Variants in KDM3B observed in about 807,000 individuals in gnomAD.
The protein encoded by KDM3B is lysine demethylase 3B, also known as lysine-specific demethylase 3B.
In KDM3B, 10 loss-of-function variants were observed where a neutral mutation model predicts 170.0. The ratio of observed to expected loss-of-function variants is 0.06; its 90% CI spans 0.04 to 0.10. The LOEUF is 0.10. Among genes scored for constraint, KDM3B ranks in the 10% least tolerant of loss-of-function variants. The probability of loss-of-function intolerance (pLI) is 1.00; values close to 1 mark genes in which losing one functional copy is unlikely to be tolerated. For synonymous variants in KDM3B, 831 were observed against 834.8 expected, an observed-to-expected ratio of 1.00 and a Z score of 0.08; for missense variants, 1,394 against 2,195.2, an observed-to-expected ratio of 0.64 and a Z score of 7.29.
Position 138,393,254 on chromosome 5 carries a change from A to C in KDM3B, c.2713A>C (p.Ile905Leu), listed in dbSNP as rs764337136. 1 of 1,614,236 alleles carries C rather than the reference A, an allele frequency of 6.2e-7. No individual in the cohort carries two copies. The highest frequency in any genetic ancestry group is 8.5e-7 in the Non-Finnish European group (1 of 1,180,042). The change falls in exon 9 of 24, where the codon ATC (isoleucine) becomes CTC (leucine). Residue 905 changes from isoleucine (I) to leucine (L), a missense_variant. Ile to Leu is a conservative substitution (Grantham distance 5). This residue lies in a region of KDM3B where 76 missense variants were observed against 190.2 expected (regional missense o/e 0.40). Coordinates refer to ENST00000314358, the MANE Select transcript of KDM3B (RefSeq NM_016604.4). ...GEPFLQDGSC[I>L]NVAPHLHKCR... ...GCCCTTCCTGCAGGATGGGTCATGC[A>C]TCAATGTGGCACCTCATCTGCACAA...
At chr5:138,423,981 A>G in intron 15 of KDM3B, 94 bp from the exon 16 acceptor site, 1 of 1,291,810 alleles carries the variant, frequency 7.7e-7, no homozygotes, top group East Asian at 2.3e-5. Flanking sequence ...CAGACAGGTC[A>G]GAACTCCTTG....
chr5:138,364,699 A>T (rs1761703800), intron 1 of KDM3B, among the ~76,000 whole-genome samples: 1 of 152,180 alleles, frequency 6.6e-6, no homozygotes, highest in Non-Finnish European at 1.5e-5. Flanking sequence ...ATTTCATATA[A>T]TCCTAAGGCA....
intron 11 of KDM3B, among the ~76,000 whole-genome samples, chr5:138,410,891 G>A (rs1336312703): frequency 6.6e-6 from 1 of 152,184 alleles, no homozygotes; most frequent in African/African-American, 2.4e-5. Flanking sequence ...ATTTTCTACT[G>A]CTATCTAGAA....
intron 11 of KDM3B, among the ~76,000 whole-genome samples, chr5:138,411,490 G>A (rs1009387036): frequency 2.0e-5 from 3 of 151,830 alleles, no homozygotes; most frequent in South Asian, 2.1e-4. Flanking sequence ...TTGCCTCGGC[G>A]CCTGGGTGGC....
intron 12 of KDM3B, 140 bp downstream of exon 12, chr5:138,415,379 A>G: frequency 1.9e-6 from 1 of 531,018 alleles, no homozygotes; most frequent in South Asian, 3.0e-5. Context: ...TTGGATCTTT[A>G]TTATTATTAT....
At position 138,380,398 on chromosome 5, in the gene KDM3B, T is replaced by C. The variant is rs930761762; in HGVS notation, c.705+690T>C. On this transcript the variant is annotated intron_variant, in intron 5 of 23. Transcript: ENST00000314358. ...TATAATTATATAAGTCACACTTTAG[T>C]AACAAATAAGATCATATAGTACATA... is the stretch of plus-strand genomic sequence containing the variant. 2.7e-5 allele frequency among the ~76,000 whole-genome samples: 4 copies of C among 150,120 alleles called. No homozygotes were observed. In the East Asian group the frequency reaches 7.7e-4, roughly 29 times the overall value.
Position 138,425,413 on chromosome 5 carries a change from A to T in KDM3B, c.4242A>T (p.Pro1414=). Residue 1414 remains proline (P), a splice_region_variant and synonymous_variant, in exon 17 of 24, where the codon CCA becomes CCT. Transcript: ENST00000314358. ...TTGGGATATTTTTGTTTCCACAGCCAGTGCTGGTTTCGGGGGTACATAAAA... is the reference window on the plus strand; with the variant it reads ...TTGGGATATTTTTGTTTCCACAGCCTGTGCTGGTTTCGGGGGTACATAAAA... ...IFRECWKQGQ[P]VLVSGVHKKL... is the part of the protein sequence containing the mutation. The T allele has an allele frequency of 6.2e-7, 1 of 1,613,002 alleles. No individual in the cohort carries two copies. Among genetic ancestry groups the T allele is most frequent in the South Asian group, 1.1e-5 (1 of 91,024 alleles).
intron 11 of KDM3B, among the ~76,000 whole-genome samples, chr5:138,412,336 CAAA>C (rs1194832246): frequency 7.2e-6 from 1 of 139,512 alleles, no homozygotes; most frequent in African/African-American, 2.6e-5. Flanking sequence ...ACCCCGTCTC[CAAA>C]AAAAAAAGAC....
chr5:138,358,235 G>A lies in KDM3B; in HGVS notation c.192+5248G>A, dbSNP rs377675840. On this transcript the variant is annotated intron_variant, in intron 1 of 23. Coordinates refer to ENST00000314358, the MANE Select transcript of KDM3B (RefSeq NM_016604.4). ...TGACCTTAGGTGATCTGCCTGCCTC[G>A]GCCTTCCAAGTGCTGGGATTACAGG... 2.6e-5 allele frequency among the ~76,000 whole-genome samples: 4 copies of A among 151,734 alleles called. No individual in the cohort carries two copies. The East Asian group carries it at 5.8e-4, about 22-fold the overall frequency.
intron 1 of KDM3B, among the ~76,000 whole-genome samples, chr5:138,359,164 A>AT (rs1444360679): frequency 6.6e-6 from 1 of 150,704 alleles, no homozygotes; most frequent in African/African-American, 2.4e-5. Flanking sequence ...TGGTGTATTT[A>AT]TTTATTTTTT....
At chr5:138,434,283 C>CT (rs1313379687) in intron 23 of KDM3B, among the ~76,000 whole-genome samples, 2 of 151,972 alleles carry the variant, frequency 1.3e-5, no homozygotes, top group African/African-American at 4.8e-5. Context: ...GGCGCGGTGG[C>CT]TCACGCCTGT....
chr5:138,385,961 G>C (rs1440745754), intron 6 of KDM3B, 61 bp from the exon 7 acceptor site: 1 of 1,530,506 alleles, frequency 6.5e-7, no homozygotes, highest in East Asian at 2.3e-5. Flanking sequence ...AAGAGCTAAT[G>C]GTGTGTGGTA....
intron 20 of KDM3B, among the ~76,000 whole-genome samples, chr5:138,429,313 AAG>A (rs1763474702): frequency 1.3e-5 from 2 of 152,058 alleles, no homozygotes; most frequent in African/African-American, 4.8e-5. Flanking sequence ...CAGCCTCTCA[AAG>A]TGCTGGGATT....
intron 7 of KDM3B, among the ~76,000 whole-genome samples, chr5:138,389,006 A>G (rs1762354987): frequency 6.6e-6 from 1 of 152,244 alleles, no homozygotes; most frequent in African/African-American, 2.4e-5. Context: ...ATTATTTTTC[A>G]TTCATGTGTG....
At chr5:138,417,292 T>C (rs780742609) in intron 12 of KDM3B, among the ~76,000 whole-genome samples, 191 bp from the exon 13 acceptor site, 3 of 152,194 alleles carry the variant, frequency 2.0e-5, no homozygotes, top group East Asian at 1.9e-4. Flanking sequence ...TTTACCAGCT[T>C]TATGTACTTG....
intron 22 of KDM3B, among the ~76,000 whole-genome samples, chr5:138,430,772 C>T (rs1340700917): frequency 6.6e-6 from 1 of 152,142 alleles, no homozygotes; most frequent in African/African-American, 2.4e-5. Context: ...TGCCTATAAT[C>T]CCAGCTACTC....
intron 23 of KDM3B, 95 bp downstream of exon 23, chr5:138,431,654 C>A: frequency 8.7e-7 from 1 of 1,143,838 alleles, no homozygotes; most frequent in Non-Finnish European, 1.2e-6. Context: ...GGGTATTCTC[C>A]GAAGGTCTAA....
intron 7 of KDM3B, among the ~76,000 whole-genome samples, chr5:138,387,148 C>A (rs532638170): frequency 6.6e-6 from 1 of 152,234 alleles, no homozygotes; most frequent in South Asian, 2.1e-4. Flanking sequence ...TTAAGCCTTA[C>A]CTGAAAATTT....
At chr5:138,410,404 A>G (rs1397150082) in intron 11 of KDM3B, among the ~76,000 whole-genome samples, 1 of 152,218 alleles carries the variant, frequency 6.6e-6, no homozygotes, top group Non-Finnish European at 1.5e-5. Context: ...ATAATCAATT[A>G]CGACAAAGGT....
Sources: gnomAD v4.1 joint callset for allele counts (sites outside exome capture counted in the v4.1 genomes callset) on GRCh38, gnomAD v4.1.1 for gene constraint, gnomAD v4.1.1 regional missense constraint, MANE v1.5 for transcripts, NCBI Gene and HGNC (gene_info 2026-07-23, HGNC 2026-07-21) for gene names.